The following FOXP1 variants were observed in gnomAD, a reference collection of about 807,000 sequenced individuals.
FOXP1 encodes the protein forkhead box P1, also known as forkhead box protein P1.
FOXP1 carries 15 observed loss-of-function variants against 98.2 expected under a neutral mutation model. The observed-to-expected ratio is 0.15, with a 90% confidence interval of 0.10 to 0.24. The LOEUF is 0.24. Among genes scored for constraint, FOXP1 ranks in the 10% least tolerant of loss-of-function variants. The pLI is 1.00. For synonymous variants in FOXP1, 371 were observed against 314.5 expected, an observed-to-expected ratio of 1.18 and a Z score of -1.90; for missense variants, 633 against 848.5, an observed-to-expected ratio of 0.75 and a Z score of 3.15.
At chr3:71,559,072 A>G (rs2046357538) in intron 2 of FOXP1, among the ~76,000 whole-genome samples, 1 of 152,154 alleles carries the variant, frequency 6.6e-6, no homozygotes, top group African/African-American at 2.4e-5. Flanking sequence ...ACAAAGTGCC[A>G]TTCTCACTCT....
intron 3 of FOXP1, among the ~76,000 whole-genome samples, chr3:71,388,393 C>T (rs1051339416): frequency 1.3e-5 from 2 of 152,204 alleles, no homozygotes; most frequent in African/African-American, 2.4e-5. Context: ...TTCCGCAGCT[C>T]GCCCTTCTAG....
At position 71,440,695 on chromosome 3, in the gene FOXP1, C is replaced by CAA. The variant is rs537681767; in HGVS notation, c.-168+52729_-168+52730dup. Among the ~76,000 whole-genome samples, 312 of 96,096 alleles carry CAA rather than the reference C, an allele frequency of 3.2e-3. 2 individuals are homozygous for CAA. The highest frequency in any genetic ancestry group is 0.011 in the African/African-American group (291 of 27,520). The allele number at this position is 96,096 out of a possible 152,430, so 63.0% of individuals were successfully genotyped here. ...TGGGTGACAGAGCAAGACTCTGTCT[C>CAA]AAAAAAAAAAAAAAAAATAGTTATC... is the stretch of plus-strand genomic sequence containing the variant. On this transcript the variant is annotated intron_variant, in intron 3 of 20. Coordinates refer to ENST00000649528, the MANE Select transcript of FOXP1 (RefSeq NM_001349338.3).
At chr3:71,337,161 G>A (rs908345469) in intron 4 of FOXP1, among the ~76,000 whole-genome samples, 2 of 152,138 alleles carry the variant, frequency 1.3e-5, no homozygotes, top group African/African-American at 4.8e-5. Flanking sequence ...TTTTGGAAAG[G>A]GCTGTGAGTG....
chr3:71,058,988 G>T (rs2051086547), intron 7 of FOXP1, among the ~76,000 whole-genome samples: 1 of 151,660 alleles, frequency 6.6e-6, no homozygotes, highest in African/African-American at 2.4e-5. Context: ...TAGCTATTTT[G>T]CCACAATACT....
At chr3:71,559,537 G>T (rs559577978) in intron 2 of FOXP1, among the ~76,000 whole-genome samples, 2 of 152,274 alleles carry the variant, frequency 1.3e-5, no homozygotes, top group African/African-American at 4.8e-5. Flanking sequence ...TGGTTGGAAG[G>T]CTGTTACGTT....
chr3:71,444,100 C>T (rs1203290790), intron 3 of FOXP1, among the ~76,000 whole-genome samples: 2 of 152,232 alleles, frequency 1.3e-5, no homozygotes, highest in African/African-American at 2.4e-5. Context: ...ACGCCTAGTA[C>T]ATCAACGTCA....
intron 3 of FOXP1, among the ~76,000 whole-genome samples, chr3:71,465,322 AAAAAGAAGAAGAAG>A (rs1342245638): frequency 2.1e-5 from 3 of 140,242 alleles, no homozygotes; most frequent in African/African-American, 8.0e-5. Flanking sequence ...AAAAAAAAAA[AAAAAGAAGAAGAAG>A]AAGAAGAAGA....
intron 3 of FOXP1, among the ~76,000 whole-genome samples, chr3:71,469,498 T>C (rs2106654558): frequency 6.6e-6 from 1 of 152,350 alleles, no homozygotes; most frequent in East Asian, 1.9e-4. Flanking sequence ...ATTGTTTCCA[T>C]TTTAATTGAG....
rs543028893 is a variant in FOXP1, at chr3:71,535,539, T to TAACAAC, written c.-297-41990_-297-41985dup. On this transcript the variant is annotated intron_variant, in intron 2 of 20. Transcript: ENST00000649528. ...GAGCAATATGACAAAAACCCATCTCTAACAACAACAACAACAACAACAACA... is the reference window on the plus strand; with the variant it reads ...GAGCAATATGACAAAAACCCATCTCTAACAACAACAACAACAACAACAACAACAACA... 3.3e-5 allele frequency among the ~76,000 whole-genome samples: 5 copies of TAACAAC among 151,920 alleles called. No homozygotes were observed. The South Asian group carries it at 6.2e-4, about 19-fold the overall frequency.
chr3:70,968,536 C>CGCTCCTGGAA (rs2035482356), intron 19 of FOXP1: 1 of 152,080 alleles, frequency 6.6e-6, no homozygotes, highest in Non-Finnish European at 1.5e-5. Context: ...TAAGCACCCT[C>CGCTCCTGGAA]GCTCCTGGAA....
At chr3:71,505,986 G>C (rs2041796703) in intron 2 of FOXP1, among the ~76,000 whole-genome samples, 1 of 152,164 alleles carries the variant, frequency 6.6e-6, no homozygotes, top group Admixed American at 6.5e-5. Context: ...CTGCCTCTCT[G>C]GGCAAGAAGT....
At chr3:71,038,447 G>A (rs1241844463) in intron 11 of FOXP1, among the ~76,000 whole-genome samples, 1 of 152,180 alleles carries the variant, frequency 6.6e-6, no homozygotes, top group Non-Finnish European at 1.5e-5. Flanking sequence ...GCATTGATGA[G>A]TAAGAGAGAA....
intron 2 of FOXP1, among the ~76,000 whole-genome samples, chr3:71,495,088 A>G (rs937855863): frequency 1.3e-5 from 2 of 152,192 alleles, no homozygotes; most frequent in Non-Finnish European, 2.9e-5. Context: ...ACCCAATCCC[A>G]AACTATAATC....
At chr3:71,386,168 C>T (rs1408285572) in intron 3 of FOXP1, among the ~76,000 whole-genome samples, 2 of 152,166 alleles carry the variant, frequency 1.3e-5, no homozygotes, top group African/African-American at 2.4e-5. Context: ...CTGTAGTTGC[C>T]GCTCTTCAGA....
chr3:71,078,040 C>T (rs2054004033), intron 7 of FOXP1, among the ~76,000 whole-genome samples: 1 of 152,188 alleles, frequency 6.6e-6, no homozygotes, highest in African/African-American at 2.4e-5. Context: ...CCATGTCTGT[C>T]AGGCTGCTCT....
chr3:71,403,858 GCAA>G lies in FOXP1; in HGVS notation c.-167-44617_-167-44615del, dbSNP rs573865339. ...AGAGCAAGACACTGCCTCAAAAACAGCAACAACAACAAAAAAGTAAAGGATCCG... is the reference window on the plus strand; with the variant it reads ...AGAGCAAGACACTGCCTCAAAAACAGCAACAACAAAAAAGTAAAGGATCCG... On this transcript the variant is annotated intron_variant, in intron 3 of 20. Transcript: ENST00000649528. 3.2e-3 allele frequency among the ~76,000 whole-genome samples: 484 copies of G among 152,082 alleles called. 3 individuals are homozygous for G. Among genetic ancestry groups the G allele is most frequent in the Admixed American group, 5.4e-3 (82 of 15,266 alleles).
At chr3:71,534,002 G>T (rs1280782799) in intron 2 of FOXP1, among the ~76,000 whole-genome samples, 1 of 152,166 alleles carries the variant, frequency 6.6e-6, no homozygotes, top group East Asian at 1.9e-4. Context: ...TATATTGGGG[G>T]ACTGGTTCAG....
Position 70,960,092 on chromosome 3 carries a change from C to T in FOXP1, c.1890-701G>A, listed in dbSNP as rs374629815. ...ACCTGTGAAAGAACTCTCCAGAGGA[C>T]GACCCCAAGCGAGGTTCTATCATTA... On this transcript the variant is annotated intron_variant, in intron 20 of 20. Coordinates refer to ENST00000649528, the MANE Select transcript of FOXP1 (RefSeq NM_001349338.3). 2.4e-4 allele frequency among the ~76,000 whole-genome samples: 37 copies of T among 152,222 alleles called. 1 individual carries two copies. Among genetic ancestry groups the T allele is most frequent in the East Asian group, 1.7e-3 (9 of 5,184 alleles).
intron 5 of FOXP1, among the ~76,000 whole-genome samples, chr3:71,209,626 G>A (rs151116721): frequency 6.6e-6 from 1 of 152,276 alleles, no homozygotes; most frequent in East Asian, 1.9e-4. Flanking sequence ...TCAAAGCCCA[G>A]AATGAACAAT....
Sources: gnomAD v4.1 joint callset for allele counts (sites outside exome capture counted in the v4.1 genomes callset) on GRCh38, gnomAD v4.1.1 for gene constraint, MANE v1.5 for transcripts, NCBI Gene and HGNC (gene_info 2026-07-23, HGNC 2026-07-21) for gene names.